The following NPC1 variants were observed in gnomAD, a reference collection of about 807,000 sequenced individuals.
NPC1 encodes the protein Niemann-Pick C1 protein.
In NPC1, 85 loss-of-function variants were observed where a neutral mutation model predicts 140.4. The ratio of observed to expected loss-of-function variants is 0.61; its 90% confidence interval spans 0.51 to 0.72. The LOEUF (loss-of-function observed/expected upper bound fraction) is 0.72. NPC1 is among the 30% of genes least tolerant of loss of function. The pLI is 0.00. For synonymous variants in NPC1, 656 were observed against 624.8 expected (o/e 1.05, Z -0.74); for missense variants, 1,504 against 1,623.8 (o/e 0.93, Z 1.27).
At chr18:23,507,880 T>A in intron 3 of NPC1, 1 of 976,782 alleles carries the variant, frequency 1.0e-6, no homozygotes, top group Non-Finnish European at 1.4e-6. Context: ...TTCTGGTCAC[T>A]TTTTAAGTTA....
intron 3 of NPC1, among the ~76,000 whole-genome samples, chr18:23,507,380 C>T (rs549135197): frequency 9.1e-4 from 138 of 152,270 alleles, no homozygotes; most frequent in Non-Finnish European, 1.5e-3. Context: ...TCGCCTCAGT[C>T]TCCCTTAAAA....
At chr18:23,547,894 G>C in intron 11 of NPC1, 112 bp downstream of exon 11, 1 of 789,700 alleles carries the variant, frequency 1.3e-6, no homozygotes, top group East Asian at 2.4e-5. Flanking sequence ...ACAAAACTAC[G>C]TAACTCAGAT....
intron 24 of NPC1, 149 bp downstream of exon 24, chr18:23,533,206 T>G: frequency 2.2e-6 from 2 of 927,532 alleles, no homozygotes; most frequent in Middle Eastern, 2.2e-4. Flanking sequence ...GTTTTTTCTT[T>G]TAGAAGAAAT....
intron 3 of NPC1, among the ~76,000 whole-genome samples, chr18:23,514,570 A>C (rs2057949787): frequency 6.6e-6 from 1 of 151,982 alleles, no homozygotes; most frequent in Non-Finnish European, 1.5e-5. Context: ...AAAAAAAAAA[A>C]ATTTGTAATG....
chr18:23,533,707 C>T, intron 23 of NPC1, 190 bp from the exon 24 acceptor site: 1 of 592,102 alleles, frequency 1.7e-6, no homozygotes, highest in Non-Finnish European at 3.0e-6. Context: ...TGGGGTTTCA[C>T]CATGTTGGCC....
chr18:23,533,195 G>A, intron 24 of NPC1, 160 bp downstream of exon 24: 1 of 827,120 alleles, frequency 1.2e-6, no homozygotes, highest in East Asian at 2.7e-5. Context: ...CCCCTGGATG[G>A]GTTTTTTCTT....
In NPC1 at chr18:23,548,019, C is replaced by T; in HGVS notation, c.1744G>A (p.Ala582Thr). The T allele has an allele frequency of 6.3e-7, 1 of 1,599,758 alleles. No homozygotes were observed. The highest frequency in any genetic ancestry group is 8.6e-7 in the Non-Finnish European group (1 of 1,166,998). Residue 582 changes from alanine (A) to threonine (T), a missense_variant, in exon 11 of 25, where the codon GCC becomes ACC. Physicochemically the swap from Ala to Thr is moderately conservative, Grantham distance 58 (BLOSUM62 0). Coordinates refer to ENST00000269228, the MANE Select transcript of NPC1 (RefSeq NM_000271.5). ...TGAGTGACTCACTCTTTTTCCCAGG[C>T]CTGGGCCCTCTGGAGCTTCTCTGTA... is the stretch of plus-strand genomic sequence containing the variant. ...NDTEKLQRAQ[A>T]WEKEFINFVK...
intron 10 of NPC1, among the ~76,000 whole-genome samples, chr18:23,549,998 T>C (rs2058845398): frequency 6.6e-6 from 1 of 151,864 alleles, no homozygotes; most frequent in South Asian, 2.1e-4. Context: ...CTGACTGCCA[T>C]GCATACTAAT....
chr18:23,511,538 A>T (rs567964704), intron 3 of NPC1, among the ~76,000 whole-genome samples: 2 of 152,298 alleles, frequency 1.3e-5, no homozygotes, highest in African/African-American at 4.8e-5. Context: ...GTTCCCTATA[A>T]TCCCGATAAA....
At chr18:23,530,345 CTGT>C (rs760127823), downstream of NPC1, 10 of 1,613,874 alleles carry the variant, frequency 6.2e-6, no homozygotes, top group Admixed American at 1.0e-4. Flanking sequence ...AACTCTGTTC[CTGT>C]TGTTTGCACT....
At chr18:23,551,496 T>G in intron 10 of NPC1, 131 bp downstream of exon 10, 1 of 793,640 alleles carries the variant, frequency 1.3e-6, no homozygotes, top group Non-Finnish European at 2.2e-6. Context: ...GAGATACTAT[T>G]CTGGGATTCA....
downstream of NPC1, chr18:23,528,655 C>G (rs2058381307): frequency 6.5e-6 from 1 of 153,122 alleles, no homozygotes; most frequent in Non-Finnish European, 1.5e-5. Flanking sequence ...TGGCTGAGTC[C>G]TTTTGGACTC....
downstream of NPC1, chr18:23,529,861 T>C (rs145741735): frequency 4.3e-5 from 45 of 1,044,400 alleles, no homozygotes; most frequent in African/African-American, 5.9e-4. Context: ...TTAGTTGGAA[T>C]GGGAAGTGTA....
At chr18:23,558,350 G>A (rs1221928276) in intron 6 of NPC1, among the ~76,000 whole-genome samples, 3 of 152,070 alleles carry the variant, frequency 2.0e-5, no homozygotes, top group African/African-American at 4.8e-5. Flanking sequence ...GGAAAGAGAC[G>A]CATCAACATC....
Position 23,560,230 on chromosome 18 carries a change from C to T in NPC1, c.881+1G>A. 2 of 1,614,110 alleles carry T rather than the reference C, an allele frequency of 1.2e-6. No individual in the cohort carries two copies. Among genetic ancestry groups the T allele is most frequent in the South Asian group, 1.1e-5 (1 of 91,070 alleles). ...CCTGGATGACAAACAAAACTGCTTACCTGTAGCACCACACTGCAAAAAATG... is the reference window on the plus strand; with the variant it reads ...CCTGGATGACAAACAAAACTGCTTATCTGTAGCACCACACTGCAAAAAATG... On this transcript the variant is annotated splice_donor_variant, in intron 6 of 24. Coordinates refer to ENST00000269228, the MANE Select transcript of NPC1 (RefSeq NM_000271.5). LOFTEE classifies it high-confidence loss of function.
intron 11 of NPC1, among the ~76,000 whole-genome samples, chr18:23,546,965 A>G (rs2058798491): frequency 6.6e-6 from 1 of 152,128 alleles, no homozygotes; most frequent in Non-Finnish European, 1.5e-5. Context: ...ACTGAATTGT[A>G]CGCTTTTTTT....
chr18:23,560,937 T>C (rs1022772044), intron 5 of NPC1, among the ~76,000 whole-genome samples: 1 of 152,240 alleles, frequency 6.6e-6, no homozygotes, highest in Non-Finnish European at 1.5e-5. Context: ...TTACCTCTCT[T>C]ACTGGGAGAA....
rs564964012 is a variant in NPC1 at position 23,547,903 on chromosome 18, A to G, written c.1757+103T>C. The G allele has an allele frequency of 5.5e-5, 44 of 800,460 alleles. No individual in the cohort carries two copies. In the African/African-American group the frequency reaches 6.5e-4, roughly 12 times the overall value. The allele number at this position is 800,460 out of a possible 1,614,324, so 49.6% of individuals were successfully genotyped here. A position where few individuals can be genotyped will look rare whatever the true frequency, so the allele number is the denominator to read the frequency against. On this transcript the variant is annotated intron_variant, in intron 11 of 24. Coordinates refer to ENST00000269228, the MANE Select transcript of NPC1 (RefSeq NM_000271.5). ...AAGTGAACAAAACTACGTAACTCAGATCTGCCATTGGTTAATTTAGAAAAT... is the reference window on the plus strand; with the variant it reads ...AAGTGAACAAAACTACGTAACTCAGGTCTGCCATTGGTTAATTTAGAAAAT...
chr18:23,539,731 A>T, intron 18 of NPC1, 80 bp downstream of exon 18: 1 of 1,440,274 alleles, frequency 6.9e-7, no homozygotes, highest in Non-Finnish European at 9.8e-7. Context: ...ATTTTCAGTG[A>T]GACATTTCAG....
Sources: gnomAD v4.1 joint callset for allele counts (sites outside exome capture counted in the v4.1 genomes callset) on GRCh38, gnomAD v4.1.1 for gene constraint, MANE v1.5 for transcripts, NCBI Gene and HGNC (gene_info 2026-07-23, HGNC 2026-07-21) for gene names.